Variants in SLC33A1 observed in about 807,000 individuals in gnomAD.
SLC33A1 encodes the protein solute carrier family 33 member 1, also known as acetyl-coenzyme A transporter 1.
Under a neutral mutation model 50.0 loss-of-function variants are expected in SLC33A1, and 20 were observed. The ratio of observed to expected loss-of-function variants is 0.40; its 90% CI spans 0.28 to 0.58. The LOEUF (loss-of-function observed/expected upper bound fraction) is 0.58. SLC33A1 is among the 20% of genes least tolerant of loss of function. The pLI is 0.44. For synonymous variants in SLC33A1, 265 were observed against 251.8 expected (o/e 1.05, Z -0.50); for missense variants, 476 against 657.0 (o/e 0.72, Z 3.01).
intron 2 of SLC33A1, among the ~76,000 whole-genome samples, chr3:155,839,902 G>A (rs138128281): frequency 0.078 from 11,841 of 151,292 alleles, 1,528 homozygotes; most frequent in African/African-American, 0.27. Flanking sequence ...CAGAGATCGC[G>A]CCACTGTACT....
intron 2 of SLC33A1, among the ~76,000 whole-genome samples, chr3:155,838,680 CAAAAAA>C (rs539049380): frequency 3.0e-5 from 2 of 65,826 alleles, no homozygotes; most frequent in Non-Finnish European, 6.3e-5. Context: ...GACTCTGTCT[CAAAAAA>C]AAAAAAAAAA....
chr3:155,833,530 G>A lies in SLC33A1; in HGVS notation c.1204C>T (p.His402Tyr), dbSNP rs1560013561. The part of the protein sequence containing the change: ...LLVWWTPKVE[H>Y]QGGFPIYYYI... ...TAATATATAGGGAATCCCCCTTGAT[G>A]TTCTACTTTAGGAGTCCACCAAACC... Residue 402 changes from histidine to tyrosine, a missense_variant, in exon 4 of 6, where the codon CAT (histidine) becomes TAT (tyrosine). By Grantham distance (83) the His-to-Tyr change is moderately conservative. Transcript: ENST00000643144. 3.1e-6 allele frequency: 5 copies of A among 1,604,924 alleles called. No homozygotes were observed. The highest frequency in any genetic ancestry group is 1.7e-5 in the Admixed American group (1 of 59,980).
At chr3:155,841,787 G>A (rs1266173884) in intron 2 of SLC33A1, among the ~76,000 whole-genome samples, 2 of 151,262 alleles carry the variant, frequency 1.3e-5, no homozygotes, top group Non-Finnish European at 2.9e-5. Flanking sequence ...TCGCTCTGTC[G>A]CTCCAGCTAG....
intron 1 of SLC33A1, 114 bp downstream of exon 1, chr3:155,853,109 T>C: frequency 1.0e-6 from 1 of 974,440 alleles, no homozygotes; most frequent in East Asian, 2.5e-5. Context: ...AAAACTTACC[T>C]TGAGTTATCT....
rs756643287 is a variant in SLC33A1, at chr3:155,854,017, C to T, written c.-20G>A. 2.0e-6 allele frequency: 3 copies of T among 1,530,956 alleles called. No individual in the cohort carries two copies. Among genetic ancestry groups the T allele is most frequent in the South Asian group, 2.6e-5 (2 of 76,164 alleles). 94.8% of individuals were successfully genotyped at this position (1,530,956 alleles called of 1,614,324 possible). A position where few individuals can be genotyped will look rare whatever the true frequency, so the allele number is the denominator to read the frequency against. ...TGACATATCAGAGACGATGCAGAGC[C>T]CCGTCTGTGGGGGGCCGAGGCTGAG... On this transcript the variant is annotated 5_prime_UTR_variant, in exon 1 of 6. Coordinates refer to ENST00000643144, the MANE Select transcript of SLC33A1 (RefSeq NM_004733.4).
chr3:155,846,943 C>T (rs1753198627), intron 1 of SLC33A1, among the ~76,000 whole-genome samples: 1 of 151,978 alleles, frequency 6.6e-6, no homozygotes, highest in South Asian at 2.1e-4. Flanking sequence ...CGTGGTGGCT[C>T]ATGCCTGTAA....
In SLC33A1 at chr3:155,827,046, T is replaced by A. The variant is rs914315919; in HGVS notation, c.*1164A>T. The A allele has an allele frequency of 2.6e-5, 4 of 152,194 alleles. No individual in the cohort carries two copies. Among genetic ancestry groups the A allele is most frequent in the Non-Finnish European group, 5.9e-5 (4 of 68,034 alleles). The allele number at this position is 152,194 out of a possible 1,614,324, so 9.4% of individuals were successfully genotyped here. A position where few individuals can be genotyped will look rare whatever the true frequency, so the allele number is the denominator to read the frequency against. On this transcript the variant is annotated 3_prime_UTR_variant, in exon 6 of 6. Coordinates refer to ENST00000643144, the MANE Select transcript of SLC33A1 (RefSeq NM_004733.4). ...ACTCAAAAGCTTAATTTTCTTGGAA[T>A]AGCAACTGTCCACTGAAAACTATAG...
chr3:155,854,011 C>T lies in SLC33A1; in HGVS notation c.-14G>A. 1.3e-6 allele frequency: 2 copies of T among 1,535,154 alleles called. No individual in the cohort carries two copies. Among genetic ancestry groups the T allele is most frequent in the Non-Finnish European group, 1.7e-6 (2 of 1,146,412 alleles). On this transcript the variant is annotated 5_prime_UTR_variant, in exon 1 of 6. Transcript: ENST00000643144. The stretch of plus-strand genomic sequence containing the variant: ...GGTGGGTGACATATCAGAGACGATG[C>T]AGAGCCCCGTCTGTGGGGGGCCGAG...
Position 155,842,392 on chromosome 3 carries a change from C to T in SLC33A1, c.963+40G>A, listed in dbSNP as rs749069368. The T allele has an allele frequency of 3.7e-6, 5 of 1,341,462 alleles. No homozygotes were observed. The South Asian group carries it at 6.0e-5, about 16-fold the overall frequency. The allele number at this position is 1,341,462 out of a possible 1,614,324, so 83.1% of individuals were successfully genotyped here. Reference sequence around the variant, plus strand: ...TTGTAAGTATTCCATGATATTGATACTTATAAGAAAATGATAAATTTGATT... The same window carrying T: ...TTGTAAGTATTCCATGATATTGATATTTATAAGAAAATGATAAATTTGATT... On this transcript the variant is annotated intron_variant, in intron 2 of 5. Transcript: ENST00000643144.
chr3:155,853,094 A>C lies in SLC33A1; in HGVS notation c.775+129T>G. On this transcript the variant is annotated intron_variant, in intron 1 of 5. Coordinates refer to ENST00000643144, the MANE Select transcript of SLC33A1 (RefSeq NM_004733.4). ...ATTTCAAAGAAGCTCATTTGGACGA[A>C]ACAGAAAACTTACCTTGAGTTATCT... 3.7e-6 allele frequency: 3 copies of C among 818,084 alleles called. No homozygotes were observed. The South Asian group carries it at 4.8e-5, about 13-fold the overall frequency. The allele number at this position is 818,084 out of a possible 1,614,324, so 50.7% of individuals were successfully genotyped here. A position where few individuals can be genotyped will look rare whatever the true frequency, so the allele number is the denominator to read the frequency against.
At chr3:155,832,689 C>T (rs1224799940) in intron 4 of SLC33A1, among the ~76,000 whole-genome samples, 3 of 107,026 alleles carry the variant, frequency 2.8e-5, no homozygotes, top group South Asian at 3.3e-4. Context: ...ATTAGCCGGG[C>T]GTGGGCAGTG....
Position 155,842,544 on chromosome 3 carries a change from ACTT to A in SLC33A1, c.848_850del (p.Glu283del), listed in dbSNP as rs757509671. The A allele has an allele frequency of 1.4e-5, 22 of 1,605,510 alleles. No individual in the cohort carries two copies. The African/African-American group carries it at 2.1e-4, about 16-fold the overall frequency. Reference sequence around the variant, plus strand: ...TTGTGTTTCTTCTTTTACTACTGATACTTCGTTTTCTTTTTTCAGAAGGGCAAC... The same window carrying A: ...TTGTGTTTCTTCTTTTACTACTGATACGTTTTCTTTTTTCAGAAGGGCAAC... On this transcript the variant is annotated inframe_deletion, in exon 2 of 6. Coordinates refer to ENST00000643144, the MANE Select transcript of SLC33A1 (RefSeq NM_004733.4).
intron 1 of SLC33A1, among the ~76,000 whole-genome samples, chr3:155,847,794 T>C (rs1227870130): frequency 6.7e-6 from 1 of 150,028 alleles, no homozygotes; most frequent in Non-Finnish European, 1.5e-5. Context: ...AAAGCATCAA[T>C]GTCTTACAAA....
In SLC33A1 at chr3:155,849,780, C is replaced by T. The variant is rs374074404; in HGVS notation, c.775+3443G>A. ...AAAATTAGCCAGGCATGGTGGCACA[C>T]GCTTATAATCCCAGCTACTAGGGAG... On this transcript the variant is annotated intron_variant, in intron 1 of 5. Coordinates refer to ENST00000643144, the MANE Select transcript of SLC33A1 (RefSeq NM_004733.4). 6.0e-5 allele frequency among the ~76,000 whole-genome samples: 9 copies of T among 150,972 alleles called. No homozygotes were observed. In the East Asian group the frequency reaches 1.4e-3, roughly 23 times the overall value.
intron 1 of SLC33A1, among the ~76,000 whole-genome samples, chr3:155,847,362 C>G (rs989669049): frequency 3.9e-5 from 6 of 152,102 alleles, no homozygotes; most frequent in African/African-American, 1.4e-4. Flanking sequence ...TTCTAACAGG[C>G]ATTTTGAGTC....
intron 4 of SLC33A1, 88 bp downstream of exon 4, chr3:155,833,380 T>C: frequency 3.8e-6 from 3 of 788,612 alleles, no homozygotes; most frequent in Admixed American, 1.8e-5. Flanking sequence ...TAAAATTTAT[T>C]ATCATTATTT....
At chr3:155,842,387 TG>T in intron 2 of SLC33A1, 44 bp downstream of exon 2, 1 of 1,242,154 alleles carries the variant, frequency 8.1e-7, no homozygotes, top group Non-Finnish European at 1.2e-6. Flanking sequence ...TCCATGATAT[TG>T]ATACTTATAA....
rs1465962558 is a variant in SLC33A1 at position 155,822,555 on chromosome 3, G to C, written c.*5655C>G. 9.9e-5 allele frequency: 14 copies of C among 141,800 alleles called. No homozygotes were observed. The highest frequency in any genetic ancestry group is 3.0e-4 in the African/African-American group (11 of 37,238). The allele number at this position is 141,800 out of a possible 1,614,324, so 8.8% of individuals were successfully genotyped here. On this transcript the variant is annotated 3_prime_UTR_variant, in exon 6 of 6. Transcript: ENST00000643144. ...GTCATGCCACTGCACTCCAGCCTGG[G>C]CGACAGAGCAAGACTCCATCTCAAA...
intron 1 of SLC33A1, among the ~76,000 whole-genome samples, chr3:155,852,626 T>C (rs936570945): frequency 6.6e-6 from 1 of 152,200 alleles, no homozygotes; most frequent in Non-Finnish European, 1.5e-5. Flanking sequence ...AAGAACAAAG[T>C]CAAATGTTAT....
Sources: gnomAD v4.1 joint callset for allele counts (sites outside exome capture counted in the v4.1 genomes callset) on GRCh38, gnomAD v4.1.1 for gene constraint, MANE v1.5 for transcripts, NCBI Gene and HGNC (gene_info 2026-07-23, HGNC 2026-07-21) for gene names.